FBXO22: variants seen among roughly 807,000 people sequenced by gnomAD.
FBXO22 encodes the protein F-box only protein 22.
In FBXO22, 13 loss-of-function variants were observed where a neutral mutation model predicts 37.2. That is an observed-to-expected ratio of 0.35 (90% confidence interval 0.23 to 0.56). FBXO22 has a LOEUF of 0.56. FBXO22 is among the 20% of genes least tolerant of loss of function. The probability of loss-of-function intolerance (pLI) is 0.87; values close to 1 mark genes in which losing one functional copy is unlikely to be tolerated. For synonymous variants in FBXO22, 189 were observed against 189.1 expected, an observed-to-expected ratio of 1.00 and a Z score of 0.00; for missense variants, 446 against 509.9, an observed-to-expected ratio of 0.87 and a Z score of 1.21.
intron 5 of FBXO22, among the ~76,000 whole-genome samples, chr15:75,920,527 A>G (rs1900294128): frequency 1.3e-5 from 2 of 152,340 alleles, no homozygotes; most frequent in East Asian, 3.9e-4. Context: ...GAACTCCTAC[A>G]TTAATTTTAT....
At chr15:75,921,646 G>A (rs1372241531) in intron 5 of FBXO22, among the ~76,000 whole-genome samples, 1 of 151,670 alleles carries the variant, frequency 6.6e-6, no homozygotes, top group Admixed American at 6.6e-5. Flanking sequence ...GGGCGACAGC[G>A]AGACTCTATC....
At chr15:75,932,124 G>A (rs2030046545) in intron 6 of FBXO22, among the ~76,000 whole-genome samples, 1 of 152,212 alleles carries the variant, frequency 6.6e-6, no homozygotes, top group South Asian at 2.1e-4. Flanking sequence ...TCAGGCAGGA[G>A]GATTGCTTTA....
At chr15:75,923,907 C>T (rs899424723) in intron 5 of FBXO22, among the ~76,000 whole-genome samples, 2 of 151,984 alleles carry the variant, frequency 1.3e-5, no homozygotes, top group African/African-American at 4.8e-5. Flanking sequence ...GCTGAATGGA[C>T]AGGATGTGGT....
At position 75,927,688 on chromosome 15, in the gene FBXO22, A is replaced by T. The variant is rs367909006; in HGVS notation, c.629-2196A>T. ...TGGTTTGGGGTATATGATGTCATGA[A>T]AGTAATATTCTTTTTACTGTCCAAG... On this transcript the variant is annotated intron_variant, in intron 5 of 6. Coordinates refer to ENST00000308275, the MANE Select transcript of FBXO22 (RefSeq NM_147188.3). Among the ~76,000 whole-genome samples the T allele has an allele frequency of 9.2e-5, 14 of 152,348 alleles. No individual in the cohort carries two copies. In the East Asian group the frequency reaches 2.7e-3, roughly 29 times the overall value.
At chr15:75,911,145 C>G (rs995221093) in intron 2 of FBXO22, among the ~76,000 whole-genome samples, 3 of 152,150 alleles carry the variant, frequency 2.0e-5, no homozygotes, top group Admixed American at 1.3e-4. Flanking sequence ...GTACCAGTAC[C>G]ATGCTGTTTT....
intron 6 of FBXO22, chr15:75,930,443 T>A (rs61087430): frequency 9.9e-6 from 10 of 1,010,478 alleles, no homozygotes; most frequent in Non-Finnish European, 1.2e-5. Context: ...ATATGCCCAG[T>A]GCTGTGGAAA....
At position 75,937,474 on chromosome 15, in the gene FBXO22, A is replaced by C. The variant is rs1595924821; in HGVS notation, c.*4372A>C. On this transcript the variant is annotated 3_prime_UTR_variant, in exon 7 of 7. Coordinates refer to ENST00000308275, the MANE Select transcript of FBXO22 (RefSeq NM_147188.3). ...CAGTGAGCCGAGATCGTGCCACTGC[A>C]CTCCAGCCTGGGCAATGGAGCAAGA... 1 of 134,230 alleles carries C rather than the reference A, an allele frequency of 7.4e-6. No individual in the cohort carries two copies. Among genetic ancestry groups the C allele is most frequent in the Non-Finnish European group, 1.5e-5 (1 of 65,610 alleles). The allele number at this position is 134,230 out of a possible 1,614,324, so 8.3% of individuals were successfully genotyped here. A position where few individuals can be genotyped will look rare whatever the true frequency, so the allele number is the denominator to read the frequency against.
At chr15:75,919,787 C>T (rs1900278157) in intron 5 of FBXO22, among the ~76,000 whole-genome samples, 1 of 152,158 alleles carries the variant, frequency 6.6e-6, no homozygotes, top group African/African-American at 2.4e-5. Context: ...TTAGCTCATT[C>T]AGAAGCCACA....
Position 75,932,915 on chromosome 15 carries a change from C to G in FBXO22, c.1025C>G (p.Ala342Gly), listed in dbSNP as rs745564407. The stretch of plus-strand genomic sequence containing the variant: ...TACAGAGCCAAGGGGAATGTTGAGG[C>G]TGATGCATTTAGAAAGTTTTTTCCT... ...QYYRAKGNVEADAFRKFFPSV... is the reference protein window; with the variant it reads ...QYYRAKGNVEGDAFRKFFPSV... The change falls in exon 7 of 7, where the codon GCT becomes GGT. Residue 342 changes from alanine to glycine, a missense_variant. Around this residue, in one of 2 missense-constraint regions of FBXO22, gnomAD observed 315 missense variants for 410.1 expected, o/e 0.77. Coordinates refer to ENST00000308275, the MANE Select transcript of FBXO22 (RefSeq NM_147188.3). The G allele has an allele frequency of 6.2e-7, 1 of 1,614,230 alleles. No homozygotes were observed.
intron 1 of FBXO22, 87 bp from the exon 2 acceptor site, chr15:75,904,404 G>T: frequency 1.3e-6 from 2 of 1,588,922 alleles, no homozygotes; most frequent in Non-Finnish European, 1.7e-6. Flanking sequence ...ATCTCCTGCT[G>T]CTGCGCCAGC....
At chr15:75,904,711 T>G in intron 2 of FBXO22, 82 bp downstream of exon 2, 1 of 1,351,140 alleles carries the variant, frequency 7.4e-7, no homozygotes, top group Non-Finnish European at 9.6e-7. Flanking sequence ...TAAATCCCAG[T>G]TTTGTTAATT....
rs1451997569 is a variant in FBXO22 at position 75,936,534 on chromosome 15, A to C, written c.*3432A>C. The C allele has an allele frequency of 1.3e-5, 2 of 152,236 alleles. No homozygotes were observed. Among genetic ancestry groups the C allele is most frequent in the Non-Finnish European group, 2.9e-5 (2 of 68,036 alleles). 9.4% of individuals were successfully genotyped at this position (152,236 alleles called of 1,614,324 possible). On this transcript the variant is annotated 3_prime_UTR_variant, in exon 7 of 7. Coordinates refer to ENST00000308275, the MANE Select transcript of FBXO22 (RefSeq NM_147188.3). ...AGAACATGTGCTACTACAAAGTAGG[A>C]AACTGGCAGAAGCCAATAAGTATCA... is the stretch of plus-strand genomic sequence containing the variant.
intron 5 of FBXO22, among the ~76,000 whole-genome samples, chr15:75,929,324 T>TAAA (rs1567056482): frequency 0.013 from 1,527 of 118,620 alleles, 24 homozygotes; most frequent in African/African-American, 0.041. Context: ...AAAAAAAAAT[T>TAAA]TTTTTTAAAG....
intron 5 of FBXO22, among the ~76,000 whole-genome samples, chr15:75,924,361 A>G (rs768347686): frequency 1.3e-5 from 2 of 152,152 alleles, no homozygotes; most frequent in Non-Finnish European, 2.9e-5. Flanking sequence ...TCCTTGAGCC[A>G]TTTCTTAGCT....
At chr15:75,927,963 G>T (rs1372505375) in intron 5 of FBXO22, among the ~76,000 whole-genome samples, 1 of 152,042 alleles carries the variant, frequency 6.6e-6, no homozygotes, top group Non-Finnish European at 1.5e-5. Context: ...GGTAATGCTG[G>T]CAGAAGACAT....
intron 5 of FBXO22, among the ~76,000 whole-genome samples, chr15:75,924,207 G>A (rs1233710745): frequency 2.6e-5 from 4 of 152,160 alleles, no homozygotes; most frequent in African/African-American, 9.7e-5. Flanking sequence ...AAAGGGACTG[G>A]CTTCAGTGAT....
chr15:75,904,312 G>A (rs1446098141), intron 1 of FBXO22, 179 bp from the exon 2 acceptor site: 3 of 1,119,262 alleles, frequency 2.7e-6, no homozygotes, highest in Admixed American at 5.6e-5. Context: ...TCCCCTTAAG[G>A]TTTTCTCCAT....
chr15:75,932,043 A>G (rs1595919826), intron 6 of FBXO22, among the ~76,000 whole-genome samples: 1 of 152,100 alleles, frequency 6.6e-6, no homozygotes, highest in African/African-American at 2.4e-5. Flanking sequence ...GTGAGACCCT[A>G]TCTCTACAAA....
intron 2 of FBXO22, among the ~76,000 whole-genome samples, chr15:75,908,348 G>T (rs929317596): frequency 2.6e-5 from 4 of 151,524 alleles, no homozygotes; most frequent in African/African-American, 9.7e-5. Flanking sequence ...TCTTGGCTCA[G>T]TGCAACCTCC....
Sources: allele counts gnomAD v4.1 joint callset (sites outside exome capture counted in the v4.1 genomes callset), GRCh38; gene constraint gnomAD v4.1.1; regional missense constraint gnomAD v4.1.1; transcripts MANE v1.5; gene names NCBI Gene and HGNC (gene_info 2026-07-23, HGNC 2026-07-21).